Variants in CHRNA3 observed in about 807,000 individuals in gnomAD.
CHRNA3 encodes neuronal acetylcholine receptor subunit alpha-3.
Under a neutral mutation model 41.9 loss-of-function variants are expected in CHRNA3, and 34 were observed. That is an observed-to-expected ratio of 0.81 (90% CI 0.62 to 1.08). The LOEUF (loss-of-function observed/expected upper bound fraction) is 1.08, where lower values mean the gene tolerates loss of function less well. Among genes scored for constraint, CHRNA3 ranks in the 50% least tolerant of loss-of-function variants. The pLI is 0.00. For synonymous variants in CHRNA3, 281 were observed against 265.2 expected, an observed-to-expected ratio of 1.06 and a Z score of -0.58; for missense variants, 542 against 638.3, an observed-to-expected ratio of 0.85 and a Z score of 1.63.
rs373120946 is a variant in CHRNA3 at position 78,601,560 on chromosome 15, C to T, written c.1082G>A (p.Ser361Asn). Residue 361 changes from serine to asparagine, a missense_variant, in exon 5 of 6, where the codon AGC becomes AAC. Transcript: ENST00000326828. The stretch of plus-strand genomic sequence containing the variant: ...CGGCTTCTGAGCGTTGCCCTCGTTG[C>T]TTGTTGGCCTGGTCATGAACATGAC... ...PRVMFMTRPTSNEGNAQKPRP... is the reference protein window; with the variant it reads ...PRVMFMTRPTNNEGNAQKPRP... 13 of 1,614,148 alleles carry T rather than the reference C, an allele frequency of 8.1e-6. No individual in the cohort carries two copies. The highest frequency in any genetic ancestry group is 1.0e-5 in the Non-Finnish European group (12 of 1,180,048).
At chr15:78,618,076 G>A (rs925224991) in intron 3 of CHRNA3, among the ~76,000 whole-genome samples, 1 of 152,152 alleles carries the variant, frequency 6.6e-6, no homozygotes, top group Non-Finnish European at 1.5e-5. Context: ...GCGAAACCCT[G>A]TCTCTATAAC....
chr15:78,607,638 T>A (rs2053312612), intron 4 of CHRNA3: 1 of 152,498 alleles, frequency 6.6e-6, no homozygotes, highest in South Asian at 2.1e-4. Context: ...GCTCCCAGCA[T>A]GAGCAATGCA....
intron 2 of CHRNA3, 45 bp from the exon 3 acceptor site, chr15:78,618,706 C>T (rs986416371): frequency 6.2e-7 from 1 of 1,614,072 alleles, no homozygotes; most frequent in Non-Finnish European, 8.5e-7. Context: ...CAAAACAAGA[C>T]TAATTCTGGG....
At chr15:78,620,616 C>T in intron 1 of CHRNA3, 97 bp downstream of exon 1, 1 of 1,419,978 alleles carries the variant, frequency 7.0e-7, no homozygotes, top group Non-Finnish European at 9.1e-7. Flanking sequence ...CAGCCCTCTC[C>T]GCTCGCCCGC....
chr15:78,617,032 C>A lies in CHRNA3; in HGVS notation c.369G>T (p.Leu123=), dbSNP rs200679144. The change falls in exon 4 of 6, where the codon CTG becomes CTT. Residue 123 remains leucine (L), a synonymous_variant. Coordinates refer to ENST00000326828, the MANE Select transcript of CHRNA3 (RefSeq NM_000743.5). The part of the protein sequence containing the change: ...AQKIWKPDIV[L]YNNAVGDFQV... ...GCCCCCCAGCACCTTACTTGTTATA[C>A]AGCACAATGTCTGGCTTCCAGATCT... 6 of 1,612,424 alleles carry A rather than the reference C, an allele frequency of 3.7e-6. No individual in the cohort carries two copies. In the South Asian group the frequency reaches 6.6e-5, roughly 18 times the overall value.
At position 78,617,140 on chromosome 15, in the gene CHRNA3, G is replaced by A. The variant is rs559578987; in HGVS notation, c.268-7C>T. The A allele has an allele frequency of 1.9e-6, 3 of 1,569,792 alleles. No homozygotes were observed. Among genetic ancestry groups the A allele is most frequent in the East Asian group, 2.2e-5 (1 of 44,692 alleles). Reference sequence around the variant, plus strand: ...GCTTGTAGTCATTCCAGATCTCGGGGAAGGAAGCAGGGAGGGAGAAGGAGA... The same window carrying A: ...GCTTGTAGTCATTCCAGATCTCGGGAAAGGAAGCAGGGAGGGAGAAGGAGA... On this transcript the variant is annotated splice_polypyrimidine_tract_variant and splice_region_variant and intron_variant, in intron 3 of 5. Transcript: ENST00000326828.
downstream of CHRNA3, chr15:78,595,186 T>G: frequency 6.3e-6 from 4 of 633,358 alleles, no homozygotes; most frequent in Non-Finnish European, 7.9e-6. Context: ...GCCAGCTACC[T>G]ACCTTAGTTC....
In CHRNA3 at chr15:78,595,745, G is replaced by GTGAT. The variant is rs2053095754; in HGVS notation, c.*855_*858dup. On this transcript the variant is annotated 3_prime_UTR_variant, in exon 6 of 6. Coordinates refer to ENST00000326828, the MANE Select transcript of CHRNA3 (RefSeq NM_000743.5). ...TCATATGTTGAAACCTATTCCCAGC[G>GTGAT]TGATTGTCTTAGATAGAAGGTGGGG... is the stretch of plus-strand genomic sequence containing the variant. 1 of 152,352 alleles carries GTGAT rather than the reference G, an allele frequency of 6.6e-6. No homozygotes were observed. The highest frequency in any genetic ancestry group is 2.4e-5 in the African/African-American group (1 of 41,424). 9.4% of individuals were successfully genotyped at this position (152,352 alleles called of 1,614,324 possible). A position where few individuals can be genotyped will look rare whatever the true frequency, so the allele number is the denominator to read the frequency against.
Position 78,620,866 on chromosome 15 carries a change from C to G in CHRNA3, c.-72G>C. The stretch of plus-strand genomic sequence containing the variant: ...GCGGCGGTCGCAGAGACGGCCTCTC[C>G]CCGCGCGGCTCCAGCGCAGACCCCA... On this transcript the variant is annotated 5_prime_UTR_variant, in exon 1 of 6. Coordinates refer to ENST00000326828, the MANE Select transcript of CHRNA3 (RefSeq NM_000743.5). 2 of 1,317,628 alleles carry G rather than the reference C, an allele frequency of 1.5e-6. No individual in the cohort carries two copies. Among genetic ancestry groups the G allele is most frequent in the Non-Finnish European group, 1.9e-6 (2 of 1,041,948 alleles). The allele number at this position is 1,317,628 out of a possible 1,614,324, so 81.6% of individuals were successfully genotyped here.
At chr15:78,594,053 A>C (rs1418273134), downstream of CHRNA3, 1 of 152,132 alleles carries the variant, frequency 6.6e-6, no homozygotes, top group Non-Finnish European at 1.5e-5. Context: ...TAATAATAAT[A>C]ACAACAACTT....
chr15:78,603,854 C>A (rs1242325311), intron 4 of CHRNA3, among the ~76,000 whole-genome samples: 1 of 152,086 alleles, frequency 6.6e-6, no homozygotes, highest in African/African-American at 2.4e-5. Context: ...TAATTCCCTA[C>A]GAGTATTCCT....
Position 78,611,625 on chromosome 15 carries a change from G to A in CHRNA3, c.377+5399C>T, listed in dbSNP as rs576496925. On this transcript the variant is annotated intron_variant, in intron 4 of 5. Coordinates refer to ENST00000326828, the MANE Select transcript of CHRNA3 (RefSeq NM_000743.5). ...CCACAGCCAATATCATACTGAATGCGCACAAACTGGAAGCATTCCTTTTGA... is the reference window on the plus strand; with the variant it reads ...CCACAGCCAATATCATACTGAATGCACACAAACTGGAAGCATTCCTTTTGA... Among the ~76,000 whole-genome samples the A allele has an allele frequency of 7.1e-3, 1,078 of 152,148 alleles. 15 individuals are homozygous for A. The highest frequency in any genetic ancestry group is 0.023 in the African/African-American group (950 of 41,458).
chr15:78,604,048 C>T (rs988697497), intron 4 of CHRNA3, among the ~76,000 whole-genome samples: 1 of 152,160 alleles, frequency 6.6e-6, no homozygotes, highest in African/African-American at 2.4e-5. Flanking sequence ...ATACAGCATC[C>T]TGGATCAACA....
At chr15:78,615,669 G>A (rs1378550878) in intron 4 of CHRNA3, among the ~76,000 whole-genome samples, 4 of 150,608 alleles carry the variant, frequency 2.7e-5, no homozygotes, top group East Asian at 2.0e-4. Flanking sequence ...TTTGGATAAC[G>A]TAATACATAT....
chr15:78,606,631 C>T (rs564163604), intron 4 of CHRNA3, among the ~76,000 whole-genome samples: 6 of 152,164 alleles, frequency 3.9e-5, no homozygotes, highest in Admixed American at 3.3e-4. Context: ...GGTGGTGGCT[C>T]AGGCCTGTAA....
chr15:78,597,838 TTATTATAA>T (rs1384754314), intron 5 of CHRNA3, among the ~76,000 whole-genome samples: 1 of 152,212 alleles, frequency 6.6e-6, no homozygotes, highest in Non-Finnish European at 1.5e-5. Context: ...TGCTGCCTCT[TTATTATAA>T]GTATACTGAA....
intron 4 of CHRNA3, among the ~76,000 whole-genome samples, chr15:78,603,746 G>A (rs974237180): frequency 5.9e-5 from 9 of 152,182 alleles, no homozygotes; most frequent in Non-Finnish European, 1.2e-4. Context: ...CAATGCCAAA[G>A]CCACTAACTA....
At chr15:78,620,327 C>T (rs574098721) in intron 1 of CHRNA3, 4 of 220,758 alleles carry the variant, frequency 1.8e-5, no homozygotes, top group Admixed American at 6.2e-5. Context: ...GGGATGCAGA[C>T]GGTGGAGCGG....
At position 78,620,992 on chromosome 15, in the gene CHRNA3, G is replaced by A. The variant is rs1370942636; in HGVS notation, c.-198C>T. On this transcript the variant is annotated 5_prime_UTR_variant, in exon 1 of 6. Transcript: ENST00000326828. ...ACCCGCGGGAGGACAGGAACCATCCGGAGTGAAGCTGCGCCAGGCGCGGGC... is the reference window on the plus strand; with the variant it reads ...ACCCGCGGGAGGACAGGAACCATCCAGAGTGAAGCTGCGCCAGGCGCGGGC... 3.2e-6 allele frequency: 2 copies of A among 632,006 alleles called. No homozygotes were observed. Among genetic ancestry groups the A allele is most frequent in the Non-Finnish European group, 4.4e-6 (2 of 453,560 alleles). The allele number at this position is 632,006 out of a possible 1,614,324, so 39.1% of individuals were successfully genotyped here.
Sources: gnomAD v4.1 joint callset for allele counts (sites outside exome capture counted in the v4.1 genomes callset) on GRCh38, gnomAD v4.1.1 for gene constraint, MANE v1.5 for transcripts, NCBI Gene and HGNC (gene_info 2026-07-23, HGNC 2026-07-21) for gene names.